PRKCA: variants seen among roughly 807,000 people sequenced by gnomAD.
PRKCA encodes protein kinase C alpha, also known as protein kinase C alpha type.
PRKCA carries 27 observed loss-of-function variants against 87.0 expected under a neutral mutation model. The observed-to-expected ratio is 0.31, with a 90% CI of 0.23 to 0.43. The LOEUF (loss-of-function observed/expected upper bound fraction) is 0.43. Ranked by LOEUF, PRKCA falls within the 20% of genes least tolerant of loss-of-function variation. The probability of loss-of-function intolerance (pLI) is 1.00; values close to 1 mark genes in which losing one functional copy is unlikely to be tolerated. For synonymous variants in PRKCA, 329 were observed against 311.1 expected (o/e 1.06, Z -0.61); for missense variants, 518 against 852.3 (o/e 0.61, Z 4.88).
chr17:66,709,011 AAG>A (rs1954899437), intron 8 of PRKCA, among the ~76,000 whole-genome samples: 1 of 152,164 alleles, frequency 6.6e-6, no homozygotes, highest in Non-Finnish European at 1.5e-5. Context: ...TACCTGGTAA[AAG>A]AGATGCAAAA....
chr17:66,753,935 T>C (rs1449205668), intron 13 of PRKCA, among the ~76,000 whole-genome samples: 2 of 152,084 alleles, frequency 1.3e-5, no homozygotes, highest in African/African-American at 4.8e-5. Context: ...CAGTCTGTGG[T>C]GTTTTATAAG....
chr17:66,313,944 A>G (rs1002708805), intron 2 of PRKCA, among the ~76,000 whole-genome samples: 2 of 152,226 alleles, frequency 1.3e-5, no homozygotes, highest in African/African-American at 4.8e-5. Flanking sequence ...AATTGAAAGG[A>G]AAGAAAATGG....
At chr17:66,779,140 T>C (rs183140364) in intron 14 of PRKCA, among the ~76,000 whole-genome samples, 19 of 152,324 alleles carry the variant, frequency 1.2e-4, no homozygotes, top group Admixed American at 7.8e-4. Flanking sequence ...GATGTTGTTA[T>C]TGAAAAGTAA....
chr17:66,310,858 C>T (rs563605940), intron 2 of PRKCA, among the ~76,000 whole-genome samples: 62 of 152,234 alleles, frequency 4.1e-4, no homozygotes, highest in Non-Finnish European at 7.8e-4. Flanking sequence ...TGTATGGACA[C>T]CAAGTACCAG....
chr17:66,332,033 T>C (rs1906355333), intron 2 of PRKCA, among the ~76,000 whole-genome samples: 1 of 133,288 alleles, frequency 7.5e-6, no homozygotes, highest in African/African-American at 2.9e-5. Context: ...TTGAATCCAA[T>C]GGTAGCAAAC....
intron 13 of PRKCA, among the ~76,000 whole-genome samples, chr17:66,771,043 G>C (rs1225268826): frequency 6.8e-6 from 1 of 147,076 alleles, no homozygotes; most frequent in Admixed American, 6.9e-5. Flanking sequence ...TCACTCTGTC[G>C]CCCAGGCTGG....
intron 2 of PRKCA, among the ~76,000 whole-genome samples, chr17:66,384,823 G>T (rs541621417): frequency 1.4e-4 from 21 of 152,048 alleles, no homozygotes; most frequent in Non-Finnish European, 2.4e-4. Context: ...GTAGAGACGG[G>T]GTTTCACTGT....
intron 3 of PRKCA, among the ~76,000 whole-genome samples, chr17:66,617,421 A>G (rs1299252129): frequency 6.6e-6 from 1 of 152,114 alleles, no homozygotes; most frequent in East Asian, 1.9e-4. Context: ...TGGATATCAA[A>G]GGGGGAGGAT....
At chr17:66,719,268 C>G (rs1973555059) in intron 8 of PRKCA, among the ~76,000 whole-genome samples, 1 of 151,944 alleles carries the variant, frequency 6.6e-6, no homozygotes, top group Non-Finnish European at 1.5e-5. Context: ...TCACTCAAAT[C>G]ATGTGGCAGA....
rs149275463 is a variant in PRKCA at position 66,394,581 on chromosome 17, T to C, written c.205+88454T>C. On this transcript the variant is annotated intron_variant, in intron 2 of 16. Coordinates refer to ENST00000413366, the MANE Select transcript of PRKCA (RefSeq NM_002737.3). ...TCCTGTTGTAAAGGGGCTTTTCTTC[T>C]GTAGTATTGGGGCGGATGGGACCCA... 3.2e-4 allele frequency among the ~76,000 whole-genome samples: 49 copies of C among 152,328 alleles called. 1 individual carries two copies. In the East Asian group the frequency reaches 7.5e-3, roughly 23 times the overall value.
intron 14 of PRKCA, chr17:66,775,765 T>C: frequency 1.3e-5 from 13 of 984,960 alleles, no homozygotes; most frequent in Non-Finnish European, 1.6e-5. Flanking sequence ...CACGTATTTA[T>C]TCACTGAATG....
At chr17:66,596,714 A>G (rs1448673995) in intron 3 of PRKCA, among the ~76,000 whole-genome samples, 8 of 89,188 alleles carry the variant, frequency 9.0e-5, no homozygotes, top group Non-Finnish European at 8.6e-5. Flanking sequence ...ATATCTCCCA[A>G]TGCTATCCCT....
At chr17:66,319,591 G>A (rs1018885740) in intron 2 of PRKCA, among the ~76,000 whole-genome samples, 2 of 151,942 alleles carry the variant, frequency 1.3e-5, no homozygotes, top group African/African-American at 4.8e-5. Flanking sequence ...ATTTTTTTAA[G>A]TAGAATATAT....
chr17:66,454,797 G>A (rs1463531334), intron 2 of PRKCA, among the ~76,000 whole-genome samples: 1 of 152,230 alleles, frequency 6.6e-6, no homozygotes, highest in African/African-American at 2.4e-5. Context: ...ATGAGATTTG[G>A]GTGGAGACAC....
intron 2 of PRKCA, among the ~76,000 whole-genome samples, chr17:66,374,341 G>A (rs1459993214): frequency 6.6e-6 from 1 of 152,162 alleles, no homozygotes; most frequent in African/African-American, 2.4e-5. Flanking sequence ...CCCGGTGGGG[G>A]AGCGCTGGGG....
chr17:66,659,024 G>C (rs1264318380), intron 5 of PRKCA, among the ~76,000 whole-genome samples: 1 of 152,236 alleles, frequency 6.6e-6, no homozygotes, highest in African/African-American at 2.4e-5. Flanking sequence ...TTAACTGGCT[G>C]TGAACCTTGA....
intron 3 of PRKCA, among the ~76,000 whole-genome samples, chr17:66,558,802 A>G (rs1312860911): frequency 6.6e-6 from 1 of 152,106 alleles, no homozygotes; most frequent in African/African-American, 2.4e-5. Context: ...GGGTGGTGGC[A>G]GCGAAAGCAG....
At chr17:66,611,863 C>T (rs188188730) in intron 3 of PRKCA, among the ~76,000 whole-genome samples, 602 of 152,282 alleles carry the variant, frequency 4.0e-3, no homozygotes, top group Non-Finnish European at 4.9e-3. Context: ...TAGCCATCCT[C>T]ATGGATGCAA....
chr17:66,633,289 CT>C (rs375915229), intron 3 of PRKCA, among the ~76,000 whole-genome samples: 25 of 152,010 alleles, frequency 1.6e-4, no homozygotes, highest in African/African-American at 6.0e-4. Context: ...TTAAATAGGT[CT>C]TTTTTTATAT....
Sources: gnomAD v4.1 joint callset for allele counts (sites outside exome capture counted in the v4.1 genomes callset) on GRCh38, gnomAD v4.1.1 for gene constraint, MANE v1.5 for transcripts, NCBI Gene and HGNC (gene_info 2026-07-23, HGNC 2026-07-21) for gene names.